The following ANGPT1 variants were observed in gnomAD, a reference collection of about 807,000 sequenced individuals.
ANGPT1 encodes angiopoietin 1, also known as angiopoietin-1.
ANGPT1 carries 17 observed loss-of-function variants against 62.2 expected under a neutral mutation model. That is an observed-to-expected ratio of 0.27 (90% CI 0.19 to 0.41). ANGPT1 has a LOEUF of 0.41. ANGPT1 is among the 10% of genes least tolerant of loss of function. The pLI is 1.00. For synonymous variants in ANGPT1, 199 were observed against 198.9 expected (o/e 1.00, Z 0.00); for missense variants, 478 against 594.9 (o/e 0.80, Z 2.04).
At chr8:107,466,750 A>G (rs1812209169) in intron 1 of ANGPT1, among the ~76,000 whole-genome samples, 1 of 152,002 alleles carries the variant, frequency 6.6e-6, no homozygotes. Flanking sequence ...CGTCTCTACT[A>G]AAAATACAAA....
intron 1 of ANGPT1, among the ~76,000 whole-genome samples, chr8:107,374,443 G>A (rs1057507106): frequency 6.6e-6 from 1 of 152,192 alleles, no homozygotes; most frequent in Non-Finnish European, 1.5e-5. Flanking sequence ...ATTCTGGCAG[G>A]AGGTCATCAC....
chr8:107,334,632 T>C (rs1192685086), intron 3 of ANGPT1, among the ~76,000 whole-genome samples: 1 of 152,200 alleles, frequency 6.6e-6, no homozygotes, highest in Admixed American at 6.5e-5. Context: ...TCGTTTTACT[T>C]ATCCATGATT....
At chr8:107,449,739 T>G (rs1811718369) in intron 1 of ANGPT1, among the ~76,000 whole-genome samples, 1 of 152,110 alleles carries the variant, frequency 6.6e-6, no homozygotes, top group Non-Finnish European at 1.5e-5. Context: ...GTTGTAATAT[T>G]TATTGATTTC....
rs1042804894 is a variant in ANGPT1, at chr8:107,250,002, G to C, written c.*1853C>G. ...CAAATATCACTTGTAAGGCAAAAAG[G>C]GGTAGAATACAGACACATAAATATA... On this transcript the variant is annotated 3_prime_UTR_variant, in exon 9 of 9. Transcript: ENST00000517746. The C allele has an allele frequency of 2.0e-5, 3 of 152,022 alleles. No individual in the cohort carries two copies. Among genetic ancestry groups the C allele is most frequent in the African/African-American group, 7.3e-5 (3 of 41,262 alleles). 9.4% of individuals were successfully genotyped at this position (152,022 alleles called of 1,614,324 possible).
chr8:107,299,690 ACATAC>A (rs1297667998), intron 5 of ANGPT1, among the ~76,000 whole-genome samples: 2 of 135,650 alleles, frequency 1.5e-5, no homozygotes, highest in South Asian at 4.6e-4. Context: ...ATATTTAGAT[ACATAC>A]TATACTATAC....
At chr8:107,414,979 C>T (rs78163211) in intron 1 of ANGPT1, among the ~76,000 whole-genome samples, 2,665 of 152,242 alleles carry the variant, frequency 0.018, 76 homozygotes, top group African/African-American at 0.059. Context: ...CAGATAATTA[C>T]AGAATGCAGG....
At chr8:107,468,937 C>A (rs568189026) in intron 1 of ANGPT1, among the ~76,000 whole-genome samples, 1 of 152,098 alleles carries the variant, frequency 6.6e-6, no homozygotes, top group East Asian at 1.9e-4. Context: ...TAGTTGCATG[C>A]TTGAAGCAAG....
In ANGPT1 at chr8:107,344,966, T is replaced by G. The variant is rs146362385; in HGVS notation, c.453+1976A>C. 1.9e-3 allele frequency among the ~76,000 whole-genome samples: 297 copies of G among 152,314 alleles called. 1 individual carries two copies. The highest frequency in any genetic ancestry group is 7.0e-3 in the African/African-American group (290 of 41,556). On this transcript the variant is annotated intron_variant, in intron 2 of 8. Transcript: ENST00000517746. ...GCAGAACATGTCCTGTTGCAATAGT[T>G]CAAATAAGTAGCACGAGGGTATACA...
At chr8:107,316,855 C>T (rs1815025402) in intron 4 of ANGPT1, among the ~76,000 whole-genome samples, 1 of 152,148 alleles carries the variant, frequency 6.6e-6, no homozygotes, top group African/African-American at 2.4e-5. Flanking sequence ...CTAGAACAAG[C>T]TTGCTTATAT....
intron 1 of ANGPT1, among the ~76,000 whole-genome samples, chr8:107,457,825 T>TACACACACACACAC (rs148742634): frequency 2.4e-5 from 2 of 81,682 alleles, no homozygotes; most frequent in African/African-American, 8.5e-5. Flanking sequence ...ACATACCCAC[T>TACACACACACACAC]ACACACACAC....
chr8:107,264,883 T>C (rs1428046817), intron 7 of ANGPT1, among the ~76,000 whole-genome samples: 1 of 152,204 alleles, frequency 6.6e-6, no homozygotes. Context: ...AGGGAAGCTA[T>C]GTAAGCTGGA....
At chr8:107,427,434 G>T (rs1197828259) in intron 1 of ANGPT1, among the ~76,000 whole-genome samples, 1 of 152,094 alleles carries the variant, frequency 6.6e-6, no homozygotes, top group Non-Finnish European at 1.5e-5. Context: ...CATCTGTCCT[G>T]CCCTGTACCA....
chr8:107,323,093 T>C (rs912086422), intron 3 of ANGPT1, among the ~76,000 whole-genome samples: 3 of 152,160 alleles, frequency 2.0e-5, no homozygotes, highest in Non-Finnish European at 4.4e-5. Context: ...TTGCTCAGAG[T>C]GTTGAAATCT....
At chr8:107,368,012 T>A (rs2514860) in intron 1 of ANGPT1, among the ~76,000 whole-genome samples, 2,176 of 152,100 alleles carry the variant, frequency 0.014, 15 homozygotes, top group Middle Eastern at 0.031. Context: ...ATGTTCTTAC[T>A]GGCTTCTAGA....
intron 1 of ANGPT1, among the ~76,000 whole-genome samples, chr8:107,417,059 G>A (rs1485514641): frequency 6.6e-6 from 1 of 152,094 alleles, no homozygotes; most frequent in Non-Finnish European, 1.5e-5. Flanking sequence ...AAAGTGTGAG[G>A]ATTACAGGTA....
At position 107,301,889 on chromosome 8, in the gene ANGPT1, C is replaced by T. The variant is rs535195456; in HGVS notation, c.936+1351G>A. On this transcript the variant is annotated intron_variant, in intron 5 of 8. Coordinates refer to ENST00000517746, the MANE Select transcript of ANGPT1 (RefSeq NM_001146.5). The stretch of plus-strand genomic sequence containing the variant: ...GGTAAAAGGGAAAATAGAATTGTAT[C>T]AGACCTGGACTATAGTCCAGACTTC... Among the ~76,000 whole-genome samples the T allele has an allele frequency of 3.3e-5, 5 of 152,020 alleles. No individual in the cohort carries two copies. The East Asian group carries it at 5.8e-4, about 18-fold the overall frequency.
chr8:107,278,022 T>G (rs1354280004), intron 7 of ANGPT1, among the ~76,000 whole-genome samples: 1 of 152,052 alleles, frequency 6.6e-6, no homozygotes, highest in Non-Finnish European at 1.5e-5. Flanking sequence ...CTCAATAATA[T>G]ATTTCTTGGG....
chr8:107,372,929 T>C (rs1563592659), intron 1 of ANGPT1, among the ~76,000 whole-genome samples: 1 of 151,938 alleles, frequency 6.6e-6, no homozygotes, highest in Non-Finnish European at 1.5e-5. Flanking sequence ...AGTCTCCTCC[T>C]CTTTAACATG....
chr8:107,315,698 C>T (rs1037818242), intron 4 of ANGPT1, among the ~76,000 whole-genome samples: 6 of 151,952 alleles, frequency 3.9e-5, no homozygotes, highest in African/African-American at 1.2e-4. Flanking sequence ...TGATTTTACA[C>T]TGTCATTTTT....
Sources: allele counts gnomAD v4.1 joint callset (sites outside exome capture counted in the v4.1 genomes callset), GRCh38; gene constraint gnomAD v4.1.1; transcripts MANE v1.5; gene names NCBI Gene and HGNC (gene_info 2026-07-23, HGNC 2026-07-21).